Variants in CTNNA2 observed in about 807,000 individuals in gnomAD.
CTNNA2 encodes catenin alpha-2.
CTNNA2 carries 42 observed loss-of-function variants against 101.0 expected under a neutral mutation model. That is an observed-to-expected ratio of 0.42 (90% confidence interval 0.32 to 0.54). The LOEUF (loss-of-function observed/expected upper bound fraction) is 0.54. Among genes scored for constraint, CTNNA2 ranks in the 20% least tolerant of loss-of-function variants. The pLI is 0.14. For missense variants in CTNNA2, 871 were observed against 1,223.1 expected (o/e 0.71, Z 4.29); for synonymous variants, 450 against 456.4 (o/e 0.99, Z 0.18).
intron 2 of CTNNA2, among the ~76,000 whole-genome samples, chr2:79,658,277 G>T (rs950658530): frequency 6.6e-6 from 1 of 151,804 alleles, no homozygotes; most frequent in African/African-American, 2.4e-5. Context: ...TTACTTAACC[G>T]CTCCTTAAAT....
At chr2:80,185,223 A>G (rs1176253818) in intron 7 of CTNNA2, among the ~76,000 whole-genome samples, 1 of 152,196 alleles carries the variant, frequency 6.6e-6, no homozygotes. Context: ...GCTGTTGGCC[A>G]GAAGTCACCC....
At chr2:79,604,060 C>T (rs151178994) in intron 1 of CTNNA2, among the ~76,000 whole-genome samples, 82 of 152,278 alleles carry the variant, frequency 5.4e-4, no homozygotes, top group African/African-American at 1.6e-3. Flanking sequence ...CCTAGTCAAA[C>T]ACACTAGGGG....
At chr2:79,385,421 T>G (rs1253709060) in intron 4 of CTNNA2, among the ~76,000 whole-genome samples, 1 of 152,208 alleles carries the variant, frequency 6.6e-6, no homozygotes, top group East Asian at 1.9e-4. Flanking sequence ...ATATATGTGA[T>G]TAAATATATA....
intron 7 of CTNNA2, among the ~76,000 whole-genome samples, chr2:80,099,128 G>C (rs6708286): frequency 1 from 151,983 of 152,010 alleles, 75,978 homozygotes; most frequent in Middle Eastern, 1. Flanking sequence ...GGAGCTGTTC[G>C]TATTCGGCCA....
chr2:80,410,377 A>G (rs758951362), intron 8 of CTNNA2, among the ~76,000 whole-genome samples: 9 of 152,222 alleles, frequency 5.9e-5, no homozygotes, highest in Non-Finnish European at 1.3e-4. Context: ...AGTTATTTAC[A>G]TTGATGAATA....
intron 1 of CTNNA2, among the ~76,000 whole-genome samples, chr2:79,538,999 C>T (rs1673242526): frequency 6.6e-6 from 1 of 152,310 alleles, no homozygotes; most frequent in South Asian, 2.1e-4. Context: ...GATCTGCTTA[C>T]ATCAAAATCA....
At chr2:79,630,594 T>C (rs1679624074) in intron 1 of CTNNA2, among the ~76,000 whole-genome samples, 1 of 152,188 alleles carries the variant, frequency 6.6e-6, no homozygotes, top group Non-Finnish European at 1.5e-5. Context: ...CAGCATAAAA[T>C]ACCCAAAGTG....
chr2:80,332,488 T>A (rs547587696), intron 7 of CTNNA2, among the ~76,000 whole-genome samples: 1 of 152,244 alleles, frequency 6.6e-6, no homozygotes, highest in South Asian at 2.1e-4. Context: ...AATCTCAGCA[T>A]CCTCACTAAA....
At chr2:79,693,038 A>G (rs6711336) in intron 2 of CTNNA2, among the ~76,000 whole-genome samples, 6,481 of 152,006 alleles carry the variant, frequency 0.043, 480 homozygotes, top group African/African-American at 0.15. Flanking sequence ...AATAAAAATT[A>G]AAAAAATAAA....
At chr2:79,819,568 A>G (rs1364192802) in intron 3 of CTNNA2, among the ~76,000 whole-genome samples, 2 of 152,240 alleles carry the variant, frequency 1.3e-5, no homozygotes, top group Admixed American at 6.5e-5. Context: ...TTAAGAATAT[A>G]AGACTATAAG....
chr2:79,226,374 G>T (rs965319355), intron 2 of CTNNA2, among the ~76,000 whole-genome samples: 11 of 152,120 alleles, frequency 7.2e-5, no homozygotes, highest in African/African-American at 2.7e-4. Context: ...GATTTTGAGA[G>T]TATTGCACAA....
chr2:80,276,689 G>T (rs1229459423), intron 7 of CTNNA2, among the ~76,000 whole-genome samples: 1 of 151,880 alleles, frequency 6.6e-6, no homozygotes, highest in Non-Finnish European at 1.5e-5. Context: ...AAGAAGAGGA[G>T]GAGGAGGAGG....
chr2:80,522,779 A>G (rs1689682169), intron 9 of CTNNA2, among the ~76,000 whole-genome samples: 1 of 152,154 alleles, frequency 6.6e-6, no homozygotes, highest in Non-Finnish European at 1.5e-5. Context: ...AGGTCTCCCC[A>G]GAAGCAGAGG....
At chr2:80,204,274 G>C in intron 7 of CTNNA2, among the ~76,000 whole-genome samples, 1 of 152,174 alleles carries the variant, frequency 6.6e-6, no homozygotes, top group Admixed American at 6.5e-5. Context: ...CTCAGAAAAT[G>C]GGATTTTCTT....
intron 2 of CTNNA2, among the ~76,000 whole-genome samples, chr2:79,704,996 T>C (rs938334692): frequency 6.6e-6 from 1 of 152,142 alleles, no homozygotes; most frequent in African/African-American, 2.4e-5. Flanking sequence ...TTTAAGAATC[T>C]CCTCGCCACC....
chr2:80,419,580 G>A lies in CTNNA2; in HGVS notation c.1269G>A (p.Glu423=). The A allele has an allele frequency of 6.2e-7, 1 of 1,613,742 alleles. No homozygotes were observed. The highest frequency in any genetic ancestry group is 8.5e-7 in the Non-Finnish European group (1 of 1,179,750). The part of the protein sequence containing the change: ...EVKEYAQVFR[E]HANKLVEVAN... ...AAGAATATGCCCAAGTTTTCCGTGA[G>A]CATGCCAACAAACTGGTAGAGGTAA... The change falls in exon 9 of 19, where the codon GAG becomes GAA. Residue 423 remains glutamate, a synonymous_variant. Transcript: ENST00000402739.
chr2:79,550,886 G>C (rs1674058432), intron 1 of CTNNA2, among the ~76,000 whole-genome samples: 1 of 152,186 alleles, frequency 6.6e-6, no homozygotes, highest in Non-Finnish European at 1.5e-5. Context: ...AAGGACTGCT[G>C]TGCCCTTCCC....
intron 1 of CTNNA2, among the ~76,000 whole-genome samples, chr2:79,564,877 C>T (rs1485174763): frequency 6.6e-6 from 1 of 152,130 alleles, no homozygotes; most frequent in Non-Finnish European, 1.5e-5. Flanking sequence ...ATAGGTCCTT[C>T]AGTCCTTTCA....
chr2:79,480,680 C>CAATAA (rs1671099399), intron 4 of CTNNA2, among the ~76,000 whole-genome samples: 1 of 152,144 alleles, frequency 6.6e-6, no homozygotes, highest in Non-Finnish European at 1.5e-5. Flanking sequence ...ATTCTGCTCA[C>CAATAA]TGTGTGATTT....
Sources: allele counts gnomAD v4.1 joint callset (sites outside exome capture counted in the v4.1 genomes callset), GRCh38; gene constraint gnomAD v4.1.1; transcripts MANE v1.5; gene names NCBI Gene and HGNC (gene_info 2026-07-23, HGNC 2026-07-21).